The following PCDH9 variants were observed in gnomAD, a reference collection of about 807,000 sequenced individuals.
PCDH9 encodes protocadherin-9.
A neutral mutation model predicts 70.6 loss-of-function variants in PCDH9; 24 were observed. The observed-to-expected ratio is 0.34, with a 90% CI of 0.25 to 0.48. PCDH9 has a LOEUF of 0.48. Ranked by LOEUF, PCDH9 falls within the 20% of genes least tolerant of loss-of-function variation. PCDH9 has a pLI of 0.99. For synonymous variants in PCDH9, 562 were observed against 558.5 expected, an observed-to-expected ratio of 1.01 and a Z score of -0.09; for missense variants, 1,281 against 1,503.6, an observed-to-expected ratio of 0.85 and a Z score of 2.45.
At chr13:66,927,474 T>C (rs1364415737) in intron 2 of PCDH9, among the ~76,000 whole-genome samples, 3 of 152,032 alleles carry the variant, frequency 2.0e-5, no homozygotes, top group Non-Finnish European at 4.4e-5. Flanking sequence ...TGAAATAATC[T>C]GCACAGCAAA....
intron 3 of PCDH9, among the ~76,000 whole-genome samples, chr13:66,707,025 A>G (rs1391731052): frequency 1.3e-5 from 2 of 152,194 alleles, no homozygotes; most frequent in South Asian, 4.1e-4. Flanking sequence ...AATCAGAATA[A>G]GTAATCTTCC....
chr13:67,095,439 T>C (rs1169376595), intron 2 of PCDH9, among the ~76,000 whole-genome samples: 1 of 152,172 alleles, frequency 6.6e-6, no homozygotes, highest in Non-Finnish European at 1.5e-5. Context: ...TACGTTTATG[T>C]GGGTAAAATT....
At chr13:66,705,854 G>A (rs975311469) in intron 3 of PCDH9, among the ~76,000 whole-genome samples, 6 of 152,040 alleles carry the variant, frequency 3.9e-5, no homozygotes, top group Admixed American at 6.6e-5. Context: ...TTAATTTTAC[G>A]TATCATAAAT....
chr13:67,005,619 C>T (rs1204349731), intron 2 of PCDH9, among the ~76,000 whole-genome samples: 15 of 152,158 alleles, frequency 9.9e-5, no homozygotes, highest in Admixed American at 9.8e-4. Context: ...GTGAATCCTA[C>T]AGCAGCAATT....
In PCDH9 at chr13:66,851,575, T is replaced by TCACACACACA. The variant is rs59674873; in HGVS notation, c.3138+51919_3138+51928dup. Among the ~76,000 whole-genome samples, 706 of 146,832 alleles carry TCACACACACA rather than the reference T, an allele frequency of 4.8e-3. 1 individual carries two copies. The highest frequency in any genetic ancestry group is 7.5e-3 in the Non-Finnish European group (497 of 66,280). On this transcript the variant is annotated intron_variant, in intron 3 of 4. Transcript: ENST00000377865. ...TATGTAACACCCACCCGCATCACCC[T>TCACACACACA]CACACACACACACACACACACACAC...
intron 3 of PCDH9, among the ~76,000 whole-genome samples, chr13:66,715,333 T>C (rs534491087): frequency 1.8e-4 from 27 of 152,320 alleles, no homozygotes; most frequent in Admixed American, 3.9e-4. Flanking sequence ...AAGTGACTAA[T>C]ATCTTCCCCA....
rs1011463298 is a variant in PCDH9 at position 66,382,757 on chromosome 13, G to A, written c.3341-77729C>T. ...ATTCTTAATTATTTTGTGGCCAGGC[G>A]CGGTGGCTCACGCCTGTAATCCTAG... On this transcript the variant is annotated intron_variant, in intron 4 of 4. Coordinates refer to ENST00000377865, the MANE Select transcript of PCDH9 (RefSeq NM_203487.3). 1.3e-4 allele frequency among the ~76,000 whole-genome samples: 20 copies of A among 152,074 alleles called. 1 individual carries two copies. The highest frequency in any genetic ancestry group is 2.4e-4 in the Non-Finnish European group (16 of 68,024).
intron 2 of PCDH9, chr13:67,205,169 G>T (rs1381646397): frequency 2.0e-5 from 3 of 152,056 alleles, no homozygotes; most frequent in African/African-American, 7.2e-5. Context: ...AGAATTATGC[G>T]TTTCCAATAT....
At chr13:66,466,986 ACT>A (rs1441323374) in intron 4 of PCDH9, among the ~76,000 whole-genome samples, 2 of 152,082 alleles carry the variant, frequency 1.3e-5, no homozygotes, top group Non-Finnish European at 1.5e-5. Flanking sequence ...CTAGTTACTG[ACT>A]CTGTTTCAGG....
intron 3 of PCDH9, among the ~76,000 whole-genome samples, chr13:66,777,878 A>G (rs2079924769): frequency 6.6e-6 from 1 of 152,168 alleles, no homozygotes; most frequent in South Asian, 2.1e-4. Context: ...ACTTGGAAAC[A>G]ACCCAAATGT....
chr13:66,475,606 A>G (rs1958709757), intron 4 of PCDH9, among the ~76,000 whole-genome samples: 1 of 151,888 alleles, frequency 6.6e-6, no homozygotes, highest in African/African-American at 2.4e-5. Context: ...TCTTATCTTT[A>G]TCTTTCCTAT....
chr13:66,414,644 A>G (rs1032839751), intron 4 of PCDH9, among the ~76,000 whole-genome samples: 1 of 152,214 alleles, frequency 6.6e-6, no homozygotes, highest in Non-Finnish European at 1.5e-5. Flanking sequence ...TTTTTGCAGG[A>G]TGCTACTAAA....
intron 4 of PCDH9, among the ~76,000 whole-genome samples, chr13:66,320,369 ATAT>A (rs1955732212): frequency 6.6e-6 from 1 of 152,036 alleles, no homozygotes; most frequent in Non-Finnish European, 1.5e-5. Context: ...CCCTTGCCAA[ATAT>A]TATCGATACT....
Position 67,100,905 on chromosome 13 carries a change from A to G in PCDH9, c.3036+124500T>C, listed in dbSNP as rs181007267. On this transcript the variant is annotated intron_variant, in intron 2 of 4. Coordinates refer to ENST00000377865, the MANE Select transcript of PCDH9 (RefSeq NM_203487.3). ...CAGAGAATAAAAACTGCTGGGAAAG[A>G]TATGCAATCACTCAAAAAAAATGGG... 2.1e-3 allele frequency among the ~76,000 whole-genome samples: 319 copies of G among 152,234 alleles called. 1 individual carries two copies. The highest frequency in any genetic ancestry group is 3.7e-3 in the Non-Finnish European group (251 of 68,018).
chr13:67,081,060 A>C (rs889367525), intron 2 of PCDH9, among the ~76,000 whole-genome samples: 1 of 152,184 alleles, frequency 6.6e-6, no homozygotes, highest in Non-Finnish European at 1.5e-5. Flanking sequence ...TGATGGTATA[A>C]GAACTTTCCA....
At chr13:66,464,788 A>C (rs1386667878) in intron 4 of PCDH9, among the ~76,000 whole-genome samples, 1 of 151,948 alleles carries the variant, frequency 6.6e-6, no homozygotes. Flanking sequence ...AGAATTTAGA[A>C]AGAGATAAGT....
At chr13:66,313,387 T>A (rs1955597209) in intron 4 of PCDH9, among the ~76,000 whole-genome samples, 1 of 152,212 alleles carries the variant, frequency 6.6e-6, no homozygotes, top group Admixed American at 6.5e-5. Context: ...TTGCATTGTT[T>A]CTCAGACAAA....
At chr13:66,537,863 A>C (rs1388970753) in intron 4 of PCDH9, among the ~76,000 whole-genome samples, 1 of 152,080 alleles carries the variant, frequency 6.6e-6, no homozygotes, top group Non-Finnish European at 1.5e-5. Context: ...CATCTTAAAA[A>C]CTATCTAGTA....
chr13:67,079,553 G>C (rs1367443984), intron 2 of PCDH9, among the ~76,000 whole-genome samples: 2 of 152,158 alleles, frequency 1.3e-5, no homozygotes, highest in Non-Finnish European at 2.9e-5. Flanking sequence ...GCTGAAGGAA[G>C]TAAAAAGATT....
Sources: allele counts gnomAD v4.1 joint callset (sites outside exome capture counted in the v4.1 genomes callset), GRCh38; gene constraint gnomAD v4.1.1; transcripts MANE v1.5; gene names NCBI Gene and HGNC (gene_info 2026-07-23, HGNC 2026-07-21).